The following CNTNAP3B variants were observed in gnomAD, a reference collection of about 807,000 sequenced individuals.
The protein encoded by CNTNAP3B is contactin associated protein family member 3B.
In CNTNAP3B, 25 loss-of-function variants were observed where a neutral mutation model predicts 108.9. The observed-to-expected ratio is 0.23, with a 90% CI of 0.17 to 0.32. The LOEUF (loss-of-function observed/expected upper bound fraction) is 0.32. Ranked by LOEUF, CNTNAP3B falls within the 10% of genes least tolerant of loss-of-function variation. CNTNAP3B has a pLI of 1.00. For synonymous variants in CNTNAP3B, 103 were observed against 473.4 expected (o/e 0.22, Z 10.16); for missense variants, 252 against 1,210.4 (o/e 0.21, Z 11.75).
rs531875262 is a variant in CNTNAP3B at position 42,104,638 on chromosome 9, G to A, written c.187C>T (p.Arg63Ter). 2.4e-4 allele frequency: 273 copies of A among 1,152,914 alleles called. 51 individuals are homozygous for A. The African/African-American group carries it at 4.1e-3, about 17-fold the overall frequency. The allele number at this position is 1,152,914 out of a possible 1,614,324, so 71.4% of individuals were successfully genotyped here. The change falls in exon 2 of 24, where the codon CGA (arginine) becomes TGA (stop). Residue 63 changes from arginine to a stop codon, truncating the protein, a stop_gained. Transcript: ENST00000377561. LOFTEE classifies it high-confidence loss of function. ...SHGPGFSRLN[R>*]RDGAGGWTPL... is the part of the protein sequence containing the mutation. ...AAAAAGGCAGACTCACCATCTCTTC[G>A]ATTAAGCCTTGAAAACCCCGGGCCG...
intron 9 of CNTNAP3B, chr9:41,979,907 C>A (rs1328308351): frequency 9.2e-6 from 1 of 109,248 alleles, no homozygotes; most frequent in Non-Finnish European, 1.7e-5. Context: ...TATATGTAAT[C>A]TTTTTCAGTA....
At chr9:41,919,317 T>A (rs1312347152) in intron 18 of CNTNAP3B, among the ~76,000 whole-genome samples, 1 of 152,090 alleles carries the variant, frequency 6.6e-6, no homozygotes, top group Admixed American at 6.5e-5. Context: ...GGTTTCACCA[T>A]GTTGGCCAGG....
rs1223962631 is a variant in CNTNAP3B at position 42,120,834 on chromosome 9, AG to A, written c.85+8175del. Among the ~76,000 whole-genome samples, 64 of 46,732 alleles carry A rather than the reference AG, an allele frequency of 1.4e-3. 4 individuals are homozygous for A. The East Asian group carries it at 0.038, about 28-fold the overall frequency. The allele number at this position is 46,732 out of a possible 152,430, so 30.7% of individuals were successfully genotyped here. A position where few individuals can be genotyped will look rare whatever the true frequency, so the allele number is the denominator to read the frequency against. Reference sequence around the variant, plus strand: ...ACGGGGACTGTCGCGGGGTGGGGGGAGGGGGGAGGGATAGCATTAGGAGATA... The same window carrying A: ...ACGGGGACTGTCGCGGGGTGGGGGGAGGGGGAGGGATAGCATTAGGAGATA... On this transcript the variant is annotated intron_variant, in intron 1 of 23. Transcript: ENST00000377561.
chr9:42,128,136 A>T lies in CNTNAP3B; in HGVS notation c.85+874T>A, dbSNP rs2118766056. On this transcript the variant is annotated intron_variant, in intron 1 of 23. Coordinates refer to ENST00000377561, the MANE Select transcript of CNTNAP3B (RefSeq NM_001201380.3). ...CAAGAAAGAAAGACGACTCTCTGAT[A>T]GAGATTTACTCCAAGCCGAAAAAAA... Among the ~76,000 whole-genome samples, 2 of 139,022 alleles carry T rather than the reference A, an allele frequency of 1.4e-5. 1 individual carries two copies. The highest frequency in any genetic ancestry group is 4.4e-4 in the East Asian group (2 of 4,592). The allele number at this position is 139,022 out of a possible 152,430, so 91.2% of individuals were successfully genotyped here.
intron 18 of CNTNAP3B, among the ~76,000 whole-genome samples, chr9:41,917,446 A>G (rs1268585547): frequency 2.1e-5 from 3 of 141,508 alleles, no homozygotes; most frequent in African/African-American, 8.3e-5. Flanking sequence ...GAGGGCTACC[A>G]AGCTGTGTAT....
chr9:41,934,122 T>TAC lies in CNTNAP3B; in HGVS notation c.2237+4120_2237+4121dup, dbSNP rs201541186. ...TTACATATATATATATATATATATA[T>TAC]ACACACACATATATATATACACACA... On this transcript the variant is annotated intron_variant, in intron 14 of 23. Coordinates refer to ENST00000377561, the MANE Select transcript of CNTNAP3B (RefSeq NM_001201380.3). Among the ~76,000 whole-genome samples the TAC allele has an allele frequency of 1.6e-4, 12 of 73,462 alleles. 1 individual carries two copies. The highest frequency in any genetic ancestry group is 7.2e-3 in the Middle Eastern group (1 of 138). 48.2% of individuals were successfully genotyped at this position (73,462 alleles called of 152,430 possible). A position where few individuals can be genotyped will look rare whatever the true frequency, so the allele number is the denominator to read the frequency against.
intron 1 of CNTNAP3B, among the ~76,000 whole-genome samples, chr9:42,117,711 C>A (rs1828351054): frequency 7.4e-6 from 1 of 135,366 alleles, no homozygotes; most frequent in Admixed American, 7.4e-5. Flanking sequence ...CACAAAAAAA[C>A]CCTTCAAAAA....
intron 13 of CNTNAP3B, among the ~76,000 whole-genome samples, chr9:41,940,468 T>C (rs1824303500): frequency 6.6e-6 from 1 of 152,308 alleles, no homozygotes; most frequent in African/African-American, 2.4e-5. Flanking sequence ...TAGAAAAGAA[T>C]TGTCAACTAT....
At chr9:42,035,759 G>A (rs890509870) in intron 3 of CNTNAP3B, among the ~76,000 whole-genome samples, 3 of 150,866 alleles carry the variant, frequency 2.0e-5, no homozygotes, top group Non-Finnish European at 4.4e-5. Context: ...CTGGGCTTAA[G>A]CTATCCTCCC....
At chr9:42,030,134 ACT>A (rs1262820521) in intron 3 of CNTNAP3B, among the ~76,000 whole-genome samples, 1 of 87,644 alleles carries the variant, frequency 1.1e-5, no homozygotes, top group African/African-American at 5.5e-5. Flanking sequence ...ACAGAGCGAG[ACT>A]CTGTCTCAAA....
chr9:42,079,640 G>A (rs1222408138), intron 2 of CNTNAP3B, among the ~76,000 whole-genome samples: 1 of 135,240 alleles, frequency 7.4e-6, no homozygotes, highest in Non-Finnish European at 1.6e-5. Context: ...TCCTGCCTCA[G>A]CCACCCAAGT....
chr9:41,979,747 ATT>A (rs916308017), intron 9 of CNTNAP3B: 1 of 84,058 alleles, frequency 1.2e-5, no homozygotes, highest in African/African-American at 4.4e-5. Context: ...GCCCGGCTAA[ATT>A]TTTTTTGTGT....
At chr9:42,098,286 T>C (rs1827950334) in intron 2 of CNTNAP3B, among the ~76,000 whole-genome samples, 1 of 129,988 alleles carries the variant, frequency 7.7e-6, no homozygotes, top group Non-Finnish European at 1.6e-5. Context: ...ATGAAAAAGA[T>C]AACTAGGCTG....
chr9:42,116,560 T>C (rs1157944072), intron 1 of CNTNAP3B, among the ~76,000 whole-genome samples: 2 of 137,852 alleles, frequency 1.5e-5, no homozygotes, highest in Admixed American at 1.4e-4. Flanking sequence ...TACCAGCCAC[T>C]GCAAAAACAT....
intron 17 of CNTNAP3B, among the ~76,000 whole-genome samples, chr9:41,920,651 T>C (rs1316985085): frequency 2.0e-5 from 3 of 152,306 alleles, no homozygotes; most frequent in African/African-American, 7.2e-5. Context: ...TTTTACTTTG[T>C]TTAGGAATAA....
chr9:42,109,991 G>A (rs1292657279), intron 1 of CNTNAP3B, among the ~76,000 whole-genome samples: 1 of 138,768 alleles, frequency 7.2e-6, no homozygotes, highest in Non-Finnish European at 1.5e-5. Flanking sequence ...AACGAAGAAT[G>A]CATGTCCCCC....
intron 1 of CNTNAP3B, among the ~76,000 whole-genome samples, chr9:42,111,015 T>A (rs536109920): frequency 7.2e-6 from 1 of 139,094 alleles, no homozygotes; most frequent in Non-Finnish European, 1.5e-5. Flanking sequence ...CATTCGATTA[T>A]CTTCAGTCAC....
intron 13 of CNTNAP3B, among the ~76,000 whole-genome samples, chr9:41,944,184 TAA>T (rs1824452859): frequency 6.7e-6 from 1 of 148,808 alleles, no homozygotes; most frequent in Non-Finnish European, 1.5e-5. Context: ...CAAGCCATGT[TAA>T]TAGAAGTTCC....
chr9:41,943,341 A>G (rs1824419423), intron 13 of CNTNAP3B, among the ~76,000 whole-genome samples: 2 of 145,008 alleles, frequency 1.4e-5, no homozygotes, highest in South Asian at 2.2e-4. Context: ...ACTGTTGGAC[A>G]ATAATTTTTT....
Sources: gnomAD v4.1 joint callset for allele counts (sites outside exome capture counted in the v4.1 genomes callset) on GRCh38, gnomAD v4.1.1 for gene constraint, MANE v1.5 for transcripts, NCBI Gene and HGNC (gene_info 2026-07-23, HGNC 2026-07-21) for gene names.